ATXN1: variants seen among roughly 807,000 people sequenced by gnomAD.
The protein encoded by ATXN1 is ataxin-1.
Under a neutral mutation model 56.4 loss-of-function variants are expected in ATXN1, and 8 were observed. The observed-to-expected ratio is 0.14, with a 90% CI of 0.08 to 0.26. The LOEUF (loss-of-function observed/expected upper bound fraction) is 0.26, where lower values mean the gene tolerates loss of function less well. Ranked by LOEUF, ATXN1 falls within the 10% of genes least tolerant of loss-of-function variation. The pLI is 1.00. For missense variants in ATXN1, 987 were observed against 1,106.5 expected, an observed-to-expected ratio of 0.89 and a Z score of 1.53; for synonymous variants, 514 against 494.6, an observed-to-expected ratio of 1.04 and a Z score of -0.52.
chr6:16,696,617 C>A (rs967793435), intron 2 of ATXN1, among the ~76,000 whole-genome samples: 1 of 152,012 alleles, frequency 6.6e-6, no homozygotes, highest in Admixed American at 6.5e-5. Context: ...ATATTTAAAT[C>A]TTTACTAGAG....
intron 6 of ATXN1, among the ~76,000 whole-genome samples, chr6:16,366,030 T>C (rs1761911687): frequency 6.6e-6 from 1 of 152,228 alleles, no homozygotes; most frequent in Admixed American, 6.5e-5. Flanking sequence ...TGATCTCTTC[T>C]CAGCATCAGA....
intron 6 of ATXN1, among the ~76,000 whole-genome samples, chr6:16,405,340 A>G (rs1467674004): frequency 6.6e-6 from 1 of 152,234 alleles, no homozygotes; most frequent in Non-Finnish European, 1.5e-5. Context: ...AGAGTTAGGA[A>G]CTATTCTGGA....
At chr6:16,470,625 A>G (rs1760198355) in intron 6 of ATXN1, among the ~76,000 whole-genome samples, 1 of 152,200 alleles carries the variant, frequency 6.6e-6, no homozygotes, top group South Asian at 2.1e-4. Flanking sequence ...GGTAGTTTAG[A>G]CTGATTAGGT....
intron 6 of ATXN1, among the ~76,000 whole-genome samples, chr6:16,349,750 TC>T (rs1192068783): frequency 6.6e-6 from 1 of 152,124 alleles, no homozygotes; most frequent in Non-Finnish European, 1.5e-5. Context: ...GATTTTTTTT[TC>T]CCCCTAAACT....
At chr6:16,376,200 A>C (rs1460489275) in intron 6 of ATXN1, among the ~76,000 whole-genome samples, 1 of 152,262 alleles carries the variant, frequency 6.6e-6, no homozygotes, top group Non-Finnish European at 1.5e-5. Context: ...ATCAATTTTC[A>C]TGCTTCATTA....
intron 4 of ATXN1, among the ~76,000 whole-genome samples, chr6:16,523,519 G>A (rs993517848): frequency 3.3e-5 from 5 of 152,202 alleles, no homozygotes; most frequent in Admixed American, 6.5e-5. Context: ...TTAAAATGTT[G>A]TGTTTTTTCT....
Position 16,494,950 on chromosome 6 carries a change from C to A in ATXN1, c.-298-8841G>T, listed in dbSNP as rs930542002. Among the ~76,000 whole-genome samples the A allele has an allele frequency of 3.9e-5, 6 of 152,218 alleles. No individual in the cohort carries two copies. In the East Asian group the frequency reaches 1.2e-3, roughly 29 times the overall value. On this transcript the variant is annotated intron_variant, in intron 5 of 7. Coordinates refer to ENST00000436367, the MANE Select transcript of ATXN1 (RefSeq NM_001128164.2). ...CAGAGACTCCACATCCCGAGTTACA[C>A]ATCCCCTTTCTGGTTGCCATGAGTC... is the stretch of plus-strand genomic sequence containing the variant.
intron 3 of ATXN1, among the ~76,000 whole-genome samples, chr6:16,630,468 G>A (rs146175374): frequency 1.0e-3 from 154 of 152,318 alleles, no homozygotes; most frequent in Admixed American, 2.5e-3. Context: ...CACTTAGTGG[G>A]CTGATCAACA....
chr6:16,439,623 G>A (rs990820884), intron 6 of ATXN1, among the ~76,000 whole-genome samples: 3 of 152,060 alleles, frequency 2.0e-5, no homozygotes, highest in Non-Finnish European at 2.9e-5. Context: ...AAAAAATTGA[G>A]CTTGTTTTGT....
At chr6:16,322,590 A>G (rs2113401082) in intron 7 of ATXN1, among the ~76,000 whole-genome samples, 1 of 152,324 alleles carries the variant, frequency 6.6e-6, no homozygotes, top group Non-Finnish European at 1.5e-5. Flanking sequence ...CTGTGGGTGC[A>G]GTGTCAGCAG....
In ATXN1 at chr6:16,751,758, T is replaced by C. The variant is rs542823282; in HGVS notation, c.-615+1475A>G. 2.0e-5 allele frequency among the ~76,000 whole-genome samples: 3 copies of C among 152,244 alleles called. No homozygotes were observed. The South Asian group carries it at 6.2e-4, about 32-fold the overall frequency. On this transcript the variant is annotated intron_variant, in intron 2 of 7. Coordinates refer to ENST00000436367, the MANE Select transcript of ATXN1 (RefSeq NM_001128164.2). Reference sequence around the variant, plus strand: ...AGGTATATTTACATATTTCTAGTCATGTATGGTTCAGGAGCAACCATCATA... The same window carrying C: ...AGGTATATTTACATATTTCTAGTCACGTATGGTTCAGGAGCAACCATCATA...
intron 6 of ATXN1, among the ~76,000 whole-genome samples, chr6:16,469,650 A>G (rs1293872535): frequency 1.3e-5 from 2 of 152,226 alleles, no homozygotes; most frequent in African/African-American, 2.4e-5. Flanking sequence ...AAACACTTGT[A>G]TCTAATAAAG....
chr6:16,355,519 T>C (rs1436671986), intron 6 of ATXN1, among the ~76,000 whole-genome samples: 1 of 151,702 alleles, frequency 6.6e-6, no homozygotes, highest in Non-Finnish European at 1.5e-5. Context: ...GACATTTTTC[T>C]CTGCTCAATC....
rs1485422991 is a variant in ATXN1 at position 16,616,742 on chromosome 6, T to C, written c.-488-30835A>G. On this transcript the variant is annotated intron_variant, in intron 3 of 7. Transcript: ENST00000436367. ...ATATACCCCTCCACACACACTTACA[T>C]AGACATACTAATAGTTTTCCTAAAA... 6.0e-5 allele frequency among the ~76,000 whole-genome samples: 9 copies of C among 149,184 alleles called. 1 individual carries two copies. In the South Asian group the frequency reaches 1.7e-3, roughly 28 times the overall value.
intron 6 of ATXN1, among the ~76,000 whole-genome samples, chr6:16,415,500 G>A (rs1171137455): frequency 6.6e-6 from 1 of 152,232 alleles, no homozygotes; most frequent in African/African-American, 2.4e-5. Flanking sequence ...AAAGTGCTGG[G>A]ATTACAGGCG....
chr6:16,402,594 A>G (rs2113538462), intron 6 of ATXN1, among the ~76,000 whole-genome samples: 1 of 152,292 alleles, frequency 6.6e-6, no homozygotes, highest in Non-Finnish European at 1.5e-5. Flanking sequence ...CAGATCTATA[A>G]TGCATGCAAG....
At chr6:16,584,237 TATATATACACAC>T (rs1351044661) in intron 4 of ATXN1, among the ~76,000 whole-genome samples, 4 of 129,236 alleles carry the variant, frequency 3.1e-5, no homozygotes, top group South Asian at 5.0e-4. Flanking sequence ...TATATATATA[TATATATACACAC>T]ACACACACAC....
intron 4 of ATXN1, among the ~76,000 whole-genome samples, chr6:16,552,002 T>A (rs1761927818): frequency 6.6e-6 from 1 of 152,246 alleles, no homozygotes; most frequent in African/African-American, 2.4e-5. Context: ...AACTGCAAGA[T>A]GCACCTGTGT....
chr6:16,620,551 T>C (rs1240679632), intron 3 of ATXN1, among the ~76,000 whole-genome samples: 5 of 152,102 alleles, frequency 3.3e-5, no homozygotes, highest in Non-Finnish European at 7.4e-5. Flanking sequence ...CCTAAGAAAT[T>C]GGGGCAATCT....
Sources: gnomAD v4.1 joint callset for allele counts (sites outside exome capture counted in the v4.1 genomes callset) on GRCh38, gnomAD v4.1.1 for gene constraint, MANE v1.5 for transcripts, NCBI Gene and HGNC (gene_info 2026-07-23, HGNC 2026-07-21) for gene names.